The following TENT4B variants were observed in gnomAD, a reference collection of about 807,000 sequenced individuals.
TENT4B encodes PAP associated domain containing 5.
TENT4B carries 10 observed loss-of-function variants against 75.0 expected under a neutral mutation model. That is an observed-to-expected ratio of 0.13 (90% CI 0.08 to 0.23). The LOEUF (loss-of-function observed/expected upper bound fraction) is 0.23. Ranked by LOEUF, TENT4B falls within the 10% of genes least tolerant of loss-of-function variation. The pLI, the probability that TENT4B is intolerant of heterozygous loss-of-function variation, is 1.00. For missense variants in TENT4B, 579 were observed against 893.8 expected (o/e 0.65, Z 4.49); for synonymous variants, 350 against 357.7 (o/e 0.98, Z 0.24).
intron 1 of TENT4B, among the ~76,000 whole-genome samples, chr16:50,171,519 G>A (rs1048539968): frequency 6.6e-6 from 1 of 152,110 alleles, no homozygotes; most frequent in East Asian, 1.9e-4. Flanking sequence ...TAAGGGCCTT[G>A]GTCTCCCAGA....
chr16:50,194,779 C>T (rs1267527922), intron 1 of TENT4B, among the ~76,000 whole-genome samples: 3 of 130,550 alleles, frequency 2.3e-5, no homozygotes, highest in Non-Finnish European at 3.2e-5. Flanking sequence ...GACGGAGTCT[C>T]GCTCTGTCAC....
rs1251915184 is a variant in TENT4B, at chr16:50,234,881, T to C, written c.*5553T>C. 3.0e-6 allele frequency: 3 copies of C among 985,688 alleles called. No homozygotes were observed. The highest frequency in any genetic ancestry group is 1.2e-4 in the Admixed American group (2 of 16,270). 61.1% of individuals were successfully genotyped at this position (985,688 alleles called of 1,614,324 possible). A position where few individuals can be genotyped will look rare whatever the true frequency, so the allele number is the denominator to read the frequency against. On this transcript the variant is annotated 3_prime_UTR_variant, in exon 12 of 12. Transcript: ENST00000561678. ...TATTTAGAAACTTTGGTGAAGCCAG[T>C]ATTTGTTTTTAGTAACCTTTTTATG...
At chr16:50,221,833 G>A (rs1231941734) in intron 5 of TENT4B, among the ~76,000 whole-genome samples, 2 of 150,996 alleles carry the variant, frequency 1.3e-5, no homozygotes, top group African/African-American at 4.9e-5. Flanking sequence ...GCACGATCTC[G>A]CCTCACTACA....
At chr16:50,222,145 A>G (rs74376926) in intron 5 of TENT4B, among the ~76,000 whole-genome samples, 161 bp from the exon 6 acceptor site, 3,916 of 152,252 alleles carry the variant, frequency 0.026, 53 homozygotes, top group South Asian at 0.05. Flanking sequence ...TTCATTACCT[A>G]TAGTTTACTT....
In TENT4B at chr16:50,234,804, G is replaced by C; in HGVS notation, c.*5476G>C. On this transcript the variant is annotated 3_prime_UTR_variant, in exon 12 of 12. Coordinates refer to ENST00000561678, the MANE Select transcript of TENT4B (RefSeq NM_001365324.3). ...CCAGTGTAGTTTCTGGATATAAAGT[G>C]TGAAGGACTGTTGAGTTAAACATTT... The C allele has an allele frequency of 1.0e-6, 1 of 985,578 alleles. No homozygotes were observed. Among genetic ancestry groups the C allele is most frequent in the Non-Finnish European group, 1.2e-6 (1 of 829,942 alleles). The allele number at this position is 985,578 out of a possible 1,614,324, so 61.1% of individuals were successfully genotyped here.
chr16:50,155,445 T>C (rs1416222910), intron 1 of TENT4B, among the ~76,000 whole-genome samples: 1 of 152,182 alleles, frequency 6.6e-6, no homozygotes, highest in Non-Finnish European at 1.5e-5. Context: ...ATTTATTCAT[T>C]CAGATCTGCC....
chr16:50,167,958 G>C lies in TENT4B; in HGVS notation c.638+13699G>C, dbSNP rs1363554594. 5.9e-5 allele frequency among the ~76,000 whole-genome samples: 9 copies of C among 151,960 alleles called. No homozygotes were observed. The East Asian group carries it at 1.7e-3, about 30-fold the overall frequency. ...AGGCATGAGCCACCACGCCCAGCCT[G>C]TTTTGAGTTCATTTTTAAAATATGG... On this transcript the variant is annotated intron_variant, in intron 1 of 11. Coordinates refer to ENST00000561678, the MANE Select transcript of TENT4B (RefSeq NM_001365324.3).
chr16:50,190,564 C>T (rs2541562), intron 1 of TENT4B, among the ~76,000 whole-genome samples: 114,867 of 151,880 alleles, frequency 0.76, 44,053 homozygotes, highest in Non-Finnish European at 0.8. Flanking sequence ...CTTCTTTTAC[C>T]TAGCATAGTA....
At chr16:50,172,123 G>C (rs984259548) in intron 1 of TENT4B, among the ~76,000 whole-genome samples, 2 of 152,176 alleles carry the variant, frequency 1.3e-5, no homozygotes, top group East Asian at 3.8e-4. Context: ...GCCAAGGCAG[G>C]CAGATCAGTT....
chr16:50,208,056 A>G (rs1331548717), intron 1 of TENT4B, among the ~76,000 whole-genome samples: 1 of 152,178 alleles, frequency 6.6e-6, no homozygotes, highest in African/African-American at 2.4e-5. Flanking sequence ...TGAGATGGTG[A>G]TGCTTGTGCC....
At chr16:50,176,969 T>C (rs1471138661) in intron 1 of TENT4B, among the ~76,000 whole-genome samples, 1 of 152,056 alleles carries the variant, frequency 6.6e-6, no homozygotes, top group Admixed American at 6.6e-5. Flanking sequence ...AAATATTTCC[T>C]CTGCTTCTGT....
chr16:50,227,495 G>T (rs1191530550), intron 10 of TENT4B, among the ~76,000 whole-genome samples: 2 of 151,784 alleles, frequency 1.3e-5, no homozygotes, highest in African/African-American at 4.8e-5. Flanking sequence ...ATCATCTTGT[G>T]TCTGGCTGAA....
At position 50,233,919 on chromosome 16, in the gene TENT4B, T is replaced by C. The variant is rs2032372030; in HGVS notation, c.*4591T>C. ...AATGATGTGGAAATCAGGTGTTCTC[T>C]TGTGTATTTCAGTGAACATTTTTAT... On this transcript the variant is annotated 3_prime_UTR_variant, in exon 12 of 12. Transcript: ENST00000561678. 1 of 985,352 alleles carries C rather than the reference T, an allele frequency of 1.0e-6. No individual in the cohort carries two copies. The highest frequency in any genetic ancestry group is 4.7e-5 in the South Asian group (1 of 21,292). 61.0% of individuals were successfully genotyped at this position (985,352 alleles called of 1,614,324 possible).
intron 1 of TENT4B, among the ~76,000 whole-genome samples, chr16:50,203,020 A>G (rs2030743666): frequency 6.6e-6 from 1 of 152,224 alleles, no homozygotes; most frequent in Non-Finnish European, 1.5e-5. Context: ...AAAGAAGAAA[A>G]AAATGAAAAC....
rs1196130487 is a variant in TENT4B, at chr16:50,229,548, A to C, written c.*220A>C. ...AAAAGCAAGCAAAAAAGAGGGAAAA[A>C]AAAGGCTGCTTATTTGATAAGTCAT... On this transcript the variant is annotated 3_prime_UTR_variant, in exon 12 of 12. Coordinates refer to ENST00000561678, the MANE Select transcript of TENT4B (RefSeq NM_001365324.3). 17 of 1,266,048 alleles carry C rather than the reference A, an allele frequency of 1.3e-5. No individual in the cohort carries two copies. Among genetic ancestry groups the C allele is most frequent in the Non-Finnish European group, 1.6e-5 (16 of 1,009,978 alleles). 78.4% of individuals were successfully genotyped at this position (1,266,048 alleles called of 1,614,324 possible).
At chr16:50,204,778 C>G (rs564746719) in intron 1 of TENT4B, among the ~76,000 whole-genome samples, 1 of 152,190 alleles carries the variant, frequency 6.6e-6, no homozygotes, top group Non-Finnish European at 1.5e-5. Flanking sequence ...TGCCTTGCAA[C>G]GCGTTTGAGT....
Position 50,188,773 on chromosome 16 carries a change from G to A in TENT4B, c.639-22550G>A, listed in dbSNP as rs1048987160. On this transcript the variant is annotated intron_variant, in intron 1 of 11. Coordinates refer to ENST00000561678, the MANE Select transcript of TENT4B (RefSeq NM_001365324.3). ...AGGCTGAGGCAGGAGGATTGCTTGA[G>A]CACAGGACTTTGAGGGCTGTAGTGA... is the stretch of plus-strand genomic sequence containing the variant. Among the ~76,000 whole-genome samples the A allele has an allele frequency of 5.5e-4, 84 of 152,164 alleles. 1 individual carries two copies. The highest frequency in any genetic ancestry group is 5.9e-4 in the Non-Finnish European group (40 of 68,030).
Position 50,230,908 on chromosome 16 carries a change from G to A in TENT4B, c.*1580G>A. 1 of 983,780 alleles carries A rather than the reference G, an allele frequency of 1.0e-6. No homozygotes were observed. The highest frequency in any genetic ancestry group is 1.2e-6 in the Non-Finnish European group (1 of 828,176). The allele number at this position is 983,780 out of a possible 1,614,324, so 60.9% of individuals were successfully genotyped here. ...TTAAATGCAGCCATTTCTGAGACGAGATTCTTTTATATATATATACATATA... is the reference window on the plus strand; with the variant it reads ...TTAAATGCAGCCATTTCTGAGACGAAATTCTTTTATATATATATACATATA... On this transcript the variant is annotated 3_prime_UTR_variant, in exon 12 of 12. Transcript: ENST00000561678.
chr16:50,228,022 T>C lies in TENT4B; in HGVS notation c.1965+19T>C. 6.2e-7 allele frequency: 1 copy of C among 1,607,892 alleles called. No individual in the cohort carries two copies. On this transcript the variant is annotated intron_variant, in intron 11 of 11. Transcript: ENST00000561678. ...ATCTCAGGTGTGTGGAACGTGGGTT[T>C]TTAATTGTTAGTATTTGATACAAAA...
Sources: gnomAD v4.1 joint callset for allele counts (sites outside exome capture counted in the v4.1 genomes callset) on GRCh38, gnomAD v4.1.1 for gene constraint, MANE v1.5 for transcripts, NCBI Gene and HGNC (gene_info 2026-07-23, HGNC 2026-07-21) for gene names.